The following KIF13B variants were observed in gnomAD, a reference collection of about 807,000 sequenced individuals.
KIF13B encodes kinesin family member 13B, also known as kinesin-like protein KIF13B.
In KIF13B, 127 loss-of-function variants were observed where a neutral mutation model predicts 222.0. That is an observed-to-expected ratio of 0.57 (90% CI 0.50 to 0.66). The LOEUF is 0.66. KIF13B is among the 30% of genes least tolerant of loss of function. The pLI is 0.00. For synonymous variants in KIF13B, 976 were observed against 919.0 expected (o/e 1.06, Z -1.12); for missense variants, 2,173 against 2,379.0 (o/e 0.91, Z 1.80).
intron 2 of KIF13B, 76 bp from the exon 3 acceptor site, chr8:29,196,275 C>CA: frequency 7.8e-7 from 1 of 1,278,124 alleles, no homozygotes; most frequent in Non-Finnish European, 1.1e-6. Flanking sequence ...GTTTAGAAGA[C>CA]TTTTTTTGAA....
intron 10 of KIF13B, among the ~76,000 whole-genome samples, chr8:29,172,977 T>C (rs1812313784): frequency 6.6e-6 from 1 of 151,788 alleles, no homozygotes; most frequent in Non-Finnish European, 1.5e-5. Context: ...TGCAATGGCA[T>C]GATATCAGCT....
intron 2 of KIF13B, among the ~76,000 whole-genome samples, chr8:29,237,129 C>A (rs996817007): frequency 1.3e-5 from 2 of 152,166 alleles, no homozygotes; most frequent in East Asian, 3.9e-4. Context: ...TTTCTCATGT[C>A]ACATTTCCTC....
rs1219606192 is a variant in KIF13B at position 29,096,287 on chromosome 8, G to GCTTTT, written c.4324+2841_4324+2845dup. ...GCGTAAGCCACTGCACCCAGCCCAA[G>GCTTTT]CTTTTCTTTTTTTTTTTTTTTTTTT... On this transcript the variant is annotated intron_variant, in intron 36 of 39. Transcript: ENST00000524189. Among the ~76,000 whole-genome samples, 88 of 122,294 alleles carry GCTTTT rather than the reference G, an allele frequency of 7.2e-4. 2 individuals carry two copies. The highest frequency in any genetic ancestry group is 5.2e-3 in the Middle Eastern group (1 of 194). 80.2% of individuals were successfully genotyped at this position (122,294 alleles called of 152,430 possible).
chr8:29,191,171 G>C, intron 3 of KIF13B, 114 bp from the exon 4 acceptor site: 1 of 745,372 alleles, frequency 1.3e-6, no homozygotes, highest in Non-Finnish European at 2.2e-6. Flanking sequence ...CATACAATGG[G>C]AATTAATTAT....
At chr8:29,146,042 T>C (rs745997229) in intron 18 of KIF13B, 51 of 511,182 alleles carry the variant, frequency 1.0e-4, no homozygotes, top group Non-Finnish European at 1.7e-4. Context: ...GGTTGTAGAG[T>C]GGTAGCATAA....
chr8:29,106,281 G>C (rs921641460), intron 35 of KIF13B, among the ~76,000 whole-genome samples: 5 of 152,150 alleles, frequency 3.3e-5, no homozygotes, highest in Non-Finnish European at 7.4e-5. Flanking sequence ...CAATTTGTAT[G>C]TCTACAAACA....
intron 9 of KIF13B, 47 bp downstream of exon 9, chr8:29,177,419 G>A (rs1482850694): frequency 8.4e-7 from 1 of 1,191,604 alleles, no homozygotes; most frequent in Admixed American, 1.7e-5. Context: ...TCCCCTATTG[G>A]CTATTAAATA....
Position 29,110,008 on chromosome 8 carries a change from T to C in KIF13B, c.3993A>G (p.Pro1331=). Residue 1331 remains proline (P), a synonymous_variant, in exon 33 of 40, where the codon CCA becomes CCG. Coordinates refer to ENST00000524189, the MANE Select transcript of KIF13B (RefSeq NM_015254.4). ...TATAAGCCTCCGAGTCAGCAGAAGC[T>C]GGGTTTTCAACATTGGCTGCCATTC... ...LARMAANVEN[P]ASADSEAYIE... is the part of the protein sequence containing the mutation. The C allele has an allele frequency of 1.2e-6, 2 of 1,602,574 alleles. No homozygotes were observed. The highest frequency in any genetic ancestry group is 1.3e-5 in the African/African-American group (1 of 74,826).
intron 37 of KIF13B, among the ~76,000 whole-genome samples, chr8:29,078,194 C>CTGA (rs1807653582): frequency 6.7e-6 from 1 of 148,492 alleles, no homozygotes. Context: ...ACTCGGGAGG[C>CTGA]TGAGGCAGGA....
In KIF13B at chr8:29,146,546, A is replaced by G. The variant is rs774664510; in HGVS notation, c.2025-6T>C. On this transcript the variant is annotated splice_region_variant and splice_polypyrimidine_tract_variant and intron_variant, in intron 17 of 39. Coordinates refer to ENST00000524189, the MANE Select transcript of KIF13B (RefSeq NM_015254.4). The stretch of plus-strand genomic sequence containing the variant: ...TGTTATTCAACGTTGCTTCTCTAAA[A>G]AAAAATAAAGAAGCGGCAGAGGTAG... 17 of 1,611,590 alleles carry G rather than the reference A, an allele frequency of 1.1e-5. No individual in the cohort carries two copies. In the African/African-American group the frequency reaches 2.0e-4, roughly 19 times the overall value.
chr8:29,123,912 T>A, intron 27 of KIF13B, 112 bp downstream of exon 27: 2 of 666,612 alleles, frequency 3.0e-6, no homozygotes, highest in Non-Finnish European at 5.3e-6. Flanking sequence ...GCTCCTGCCA[T>A]CCCCATTACT....
At chr8:29,234,314 A>G (rs1485540478) in intron 2 of KIF13B, among the ~76,000 whole-genome samples, 6 of 152,112 alleles carry the variant, frequency 3.9e-5, no homozygotes, top group African/African-American at 1.2e-4. Flanking sequence ...GTTTATCCAT[A>G]CAATGAAGTA....
intron 2 of KIF13B, among the ~76,000 whole-genome samples, chr8:29,199,603 A>G (rs1289864223): frequency 6.6e-6 from 1 of 150,400 alleles, no homozygotes; most frequent in Non-Finnish European, 1.5e-5. Flanking sequence ...AAAGAAAGAA[A>G]TCCAAATCCA....
At chr8:29,087,316 A>G (rs576523576) in intron 37 of KIF13B, among the ~76,000 whole-genome samples, 1 of 152,336 alleles carries the variant, frequency 6.6e-6, no homozygotes, top group South Asian at 2.1e-4. Flanking sequence ...ATTATGTTCA[A>G]TATTTCAATA....
intron 1 of KIF13B, among the ~76,000 whole-genome samples, chr8:29,259,938 T>C (rs772473183): frequency 3.9e-5 from 6 of 152,336 alleles, no homozygotes; most frequent in Non-Finnish European, 7.3e-5. Context: ...TATGTAAAAT[T>C]ACATACACGT....
chr8:29,079,089 T>C (rs879517910), intron 37 of KIF13B, among the ~76,000 whole-genome samples: 1 of 152,180 alleles, frequency 6.6e-6, no homozygotes, highest in African/African-American at 2.4e-5. Flanking sequence ...TGACATGACA[T>C]ATACAATCTC....
intron 37 of KIF13B, 122 bp from the exon 38 acceptor site, chr8:29,075,465 G>A (rs1202199937): frequency 3.9e-5 from 31 of 791,500 alleles, no homozygotes; most frequent in South Asian, 3.7e-5. Context: ...TCAGGTGTGC[G>A]AGTGTGAGGG....
chr8:29,069,537 CAAGTT>C lies in KIF13B; in HGVS notation c.*962_*966del, dbSNP rs1807152179. ...ATTCTCCCAGGTTTTTGCTCTCATC[CAAGTT>C]AAGAGTAAGGCCACTGTGGATCCGC... On this transcript the variant is annotated 3_prime_UTR_variant, in exon 40 of 40. Transcript: ENST00000524189. The C allele has an allele frequency of 6.6e-6, 1 of 152,264 alleles. No individual in the cohort carries two copies. The highest frequency in any genetic ancestry group is 6.5e-5 in the Admixed American group (1 of 15,270). 9.4% of individuals were successfully genotyped at this position (152,264 alleles called of 1,614,324 possible). A position where few individuals can be genotyped will look rare whatever the true frequency, so the allele number is the denominator to read the frequency against.
At chr8:29,165,930 T>TTGTAGATCGAAGTACCTCGAC (rs1811980109) in intron 11 of KIF13B, among the ~76,000 whole-genome samples, 158 bp from the exon 12 acceptor site, 1 of 152,176 alleles carries the variant, frequency 6.6e-6, no homozygotes, top group Non-Finnish European at 1.5e-5. Flanking sequence ...AGTACCTCGA[T>TTGTAGATCGAAGTACCTCGAC]TGTCTGAGGA....
Sources: gnomAD v4.1 joint callset for allele counts (sites outside exome capture counted in the v4.1 genomes callset) on GRCh38, gnomAD v4.1.1 for gene constraint, MANE v1.5 for transcripts, NCBI Gene and HGNC (gene_info 2026-07-23, HGNC 2026-07-21) for gene names.